KDM2B: variants seen among roughly 807,000 people sequenced by gnomAD.
KDM2B encodes lysine demethylase 2B.
In KDM2B, 26 loss-of-function variants were observed where a neutral mutation model predicts 150.0. That is an observed-to-expected ratio of 0.17 (90% CI 0.13 to 0.24). The LOEUF is 0.24. Ranked by LOEUF, KDM2B falls within the 10% of genes least tolerant of loss-of-function variation. The pLI, the probability that KDM2B is intolerant of heterozygous loss-of-function variation, is 1.00. For missense variants in KDM2B, 1,265 were observed against 1,816.9 expected (o/e 0.70, Z 5.52); for synonymous variants, 734 against 729.5 (o/e 1.01, Z -0.10).
In KDM2B at chr12:121,467,284, C is replaced by T; in HGVS notation, c.1735-13940G>A. 3 of 986,702 alleles carry T rather than the reference C, an allele frequency of 3.0e-6. No individual in the cohort carries two copies. Among genetic ancestry groups the T allele is most frequent in the Non-Finnish European group, 3.6e-6 (3 of 831,456 alleles). The allele number at this position is 986,702 out of a possible 1,614,324, so 61.1% of individuals were successfully genotyped here. A position where few individuals can be genotyped will look rare whatever the true frequency, so the allele number is the denominator to read the frequency against. ...CGCCGCCGCCGCCGCCCGCCCGGAG[C>T]AGGCTCGGCTCGCCCTGGCTCGGGC... On this transcript the variant is annotated intron_variant, in intron 12 of 22. Transcript: ENST00000377071. The surrounding 1 kb of genome is among the most constrained non-coding windows in gnomAD (Gnocchi z 5.1).
In KDM2B at chr12:121,518,375, C is replaced by G. The variant is rs569918434; in HGVS notation, c.1047+2610G>C. 6.6e-6 allele frequency among the ~76,000 whole-genome samples: 1 copy of G among 152,012 alleles called. No homozygotes were observed. Among genetic ancestry groups the G allele is most frequent in the Non-Finnish European group, 1.5e-5 (1 of 68,032 alleles). The stretch of plus-strand genomic sequence containing the variant: ...AAACAATTGGGCCTCGTAGCCAAGT[C>G]CCTCTCTCAAGACCAGAAATCAAGG... On this transcript the variant is annotated intron_variant, in intron 9 of 22. Transcript: ENST00000377071. The surrounding 1 kb of genome is among the most constrained non-coding windows in gnomAD (Gnocchi z 4.4).
intron 11 of KDM2B, among the ~76,000 whole-genome samples, chr12:121,507,336 C>G (rs1885176999): frequency 6.6e-6 from 1 of 152,122 alleles, no homozygotes; most frequent in African/African-American, 2.4e-5. Flanking sequence ...TGCACTTCAG[C>G]CTGGGCGACA....
intron 11 of KDM2B, among the ~76,000 whole-genome samples, chr12:121,499,222 G>A (rs1555301492): frequency 6.7e-6 from 1 of 148,214 alleles, no homozygotes; most frequent in Non-Finnish European, 1.5e-5. Context: ...CCGACTCCCT[G>A]CCTCAGCCTC....
intron 4 of KDM2B, among the ~76,000 whole-genome samples, chr12:121,559,663 G>A (rs1461886606): frequency 3.3e-5 from 5 of 152,120 alleles, no homozygotes; most frequent in African/African-American, 1.2e-4. Context: ...CACTTTGGGA[G>A]GCCGAGGCAG....
Position 121,578,783 on chromosome 12 carries a change from C to T in KDM2B, c.271+19G>A. On this transcript the variant is annotated intron_variant, in intron 2 of 22. Coordinates refer to ENST00000377071, the MANE Select transcript of KDM2B (RefSeq NM_032590.5). ...TCGGCCCGCAGCGCAGAGGGCGGCC[C>T]GGGGTGGGGGCGCCTCACCTTTGCC... 3 of 1,503,756 alleles carry T rather than the reference C, an allele frequency of 2.0e-6. No homozygotes were observed. Among genetic ancestry groups the T allele is most frequent in the Non-Finnish European group, 2.7e-6 (3 of 1,118,362 alleles). The allele number at this position is 1,503,756 out of a possible 1,614,324, so 93.2% of individuals were successfully genotyped here.
chr12:121,573,587 C>CT (rs35286174), intron 4 of KDM2B, among the ~76,000 whole-genome samples: 207 of 140,000 alleles, frequency 1.5e-3, no homozygotes, highest in African/African-American at 2.7e-3. Context: ...CTGTTTACTT[C>CT]TTTTTTTTTT....
chr12:121,461,778 A>G (rs973881957), intron 12 of KDM2B, among the ~76,000 whole-genome samples: 8 of 152,178 alleles, frequency 5.3e-5, no homozygotes, highest in Non-Finnish European at 1.0e-4. Context: ...GACACTGCAT[A>G]GGTGCTCAAA....
intron 8 of KDM2B, chr12:121,524,585 C>A (rs914296647): frequency 1.9e-5 from 5 of 262,532 alleles, no homozygotes; most frequent in Non-Finnish European, 4.0e-5. Context: ...GTCCCTCCCC[C>A]AGCTCTGCTC....
At chr12:121,545,755 G>T (rs111517554) in intron 6 of KDM2B, among the ~76,000 whole-genome samples, 2,503 of 152,174 alleles carry the variant, frequency 0.016, 74 homozygotes, top group African/African-American at 0.057. Flanking sequence ...ATTTCTCTCT[G>T]CTCAAAATCT....
At chr12:121,459,084 C>CA (rs60165748) in intron 12 of KDM2B, among the ~76,000 whole-genome samples, 42,116 of 102,192 alleles carry the variant, frequency 0.41, 7,412 homozygotes, top group African/African-American at 0.46. Flanking sequence ...GACTCTGCCT[C>CA]AAAAAAAAAA....
At chr12:121,464,674 G>A (rs891820904) in intron 12 of KDM2B, among the ~76,000 whole-genome samples, 4 of 152,224 alleles carry the variant, frequency 2.6e-5, no homozygotes, top group East Asian at 1.9e-4. Flanking sequence ...TCCCTCCGAC[G>A]GGTCCTTTCA....
chr12:121,559,781 T>G (rs1428757801), intron 4 of KDM2B, among the ~76,000 whole-genome samples: 2 of 151,652 alleles, frequency 1.3e-5, no homozygotes, highest in African/African-American at 4.8e-5. Flanking sequence ...CGCATGCCTG[T>G]AATCCCAGCT....
chr12:121,544,708 T>G lies in KDM2B; in HGVS notation c.683+4169A>C, dbSNP rs566460442. Reference sequence around the variant, plus strand: ...CGGGCAGATCACCTGAGGTCAGGAGTTCGAGACCGGCCTGGCCAACATGGT... The same window carrying G: ...CGGGCAGATCACCTGAGGTCAGGAGGTCGAGACCGGCCTGGCCAACATGGT... On this transcript the variant is annotated intron_variant, in intron 6 of 22. Transcript: ENST00000377071. Among the ~76,000 whole-genome samples the G allele has an allele frequency of 4.7e-5, 7 of 150,334 alleles. No individual in the cohort carries two copies. The South Asian group carries it at 1.5e-3, about 32-fold the overall frequency.
At position 121,520,295 on chromosome 12, in the gene KDM2B, C is replaced by G. The variant is rs141313461; in HGVS notation, c.1047+690G>C. 6.6e-6 allele frequency among the ~76,000 whole-genome samples: 1 copy of G among 152,120 alleles called. No homozygotes were observed. Among genetic ancestry groups the G allele is most frequent in the Non-Finnish European group, 1.5e-5 (1 of 68,022 alleles). On this transcript the variant is annotated intron_variant, in intron 9 of 22. Coordinates refer to ENST00000377071, the MANE Select transcript of KDM2B (RefSeq NM_032590.5). The surrounding 1 kb of genome is among the most constrained non-coding windows in gnomAD (Gnocchi z 4.5). ...GCCATGGCAAGTTCAGGCCACTTGTCCTTTTCAGGGGACACTTGTGGAGCG... is the reference window on the plus strand; with the variant it reads ...GCCATGGCAAGTTCAGGCCACTTGTGCTTTTCAGGGGACACTTGTGGAGCG...
chr12:121,516,561 G>C, intron 9 of KDM2B: 1 of 1,436,726 alleles, frequency 7.0e-7, no homozygotes, highest in Non-Finnish European at 9.2e-7. Context: ...ATTATTTGTT[G>C]ACAGACTCGG....
At chr12:121,528,335 G>GATC (rs1277608958) in intron 8 of KDM2B, among the ~76,000 whole-genome samples, 67 of 152,024 alleles carry the variant, frequency 4.4e-4, no homozygotes, top group Middle Eastern at 3.4e-3. Flanking sequence ...GAGGCAGCAG[G>GATC]ATCACTTGAG....
At chr12:121,556,380 A>G (rs1171872262) in intron 4 of KDM2B, among the ~76,000 whole-genome samples, 1 of 152,022 alleles carries the variant, frequency 6.6e-6, no homozygotes, top group African/African-American at 2.4e-5. Context: ...ATTATTTAGA[A>G]GCATTTGGCA....
At position 121,532,996 on chromosome 12, in the gene KDM2B, G is replaced by C. The variant is rs1887788707; in HGVS notation, c.778-37C>G. The C allele has an allele frequency of 2.5e-6, 4 of 1,612,238 alleles. No homozygotes were observed. In the East Asian group the frequency reaches 8.9e-5, roughly 36 times the overall value. On this transcript the variant is annotated intron_variant, in intron 7 of 22. Transcript: ENST00000377071. ...ACACAGGCAGTCAGCTGGAGACCCA[G>C]GCCCAGACAAGACCCAGAGAGAGGG...
At chr12:121,492,120 T>G (rs1555300062) in intron 12 of KDM2B, among the ~76,000 whole-genome samples, 4 of 152,220 alleles carry the variant, frequency 2.6e-5, no homozygotes, top group Non-Finnish European at 2.9e-5. Flanking sequence ...ATTGCACCAC[T>G]GCACTCCAGC....
Sources: gnomAD v4.1 joint callset for allele counts (sites outside exome capture counted in the v4.1 genomes callset) on GRCh38, gnomAD v4.1.1 for gene constraint, Gnocchi (gnomAD v3.1) non-coding constraint, MANE v1.5 for transcripts, NCBI Gene and HGNC (gene_info 2026-07-23, HGNC 2026-07-21) for gene names.